FNTB: variants seen among roughly 807,000 people sequenced by gnomAD.
FNTB encodes the protein protein farnesyltransferase subunit beta.
A neutral mutation model predicts 59.4 loss-of-function variants in FNTB; 27 were observed. That is an observed-to-expected ratio of 0.45 (90% confidence interval 0.34 to 0.63). FNTB has a LOEUF of 0.63. Ranked by LOEUF, FNTB falls within the 20% of genes least tolerant of loss-of-function variation. FNTB has a pLI of 0.02. For synonymous variants in FNTB, 230 were observed against 220.7 expected, an observed-to-expected ratio of 1.04 and a Z score of -0.37; for missense variants, 449 against 559.6, an observed-to-expected ratio of 0.80 and a Z score of 1.99.
At chr14:65,045,018 G>T (rs1418253518) in intron 9 of FNTB, among the ~76,000 whole-genome samples, 3 of 152,182 alleles carry the variant, frequency 2.0e-5, no homozygotes, top group Non-Finnish European at 4.4e-5. Flanking sequence ...CTAAATGGGA[G>T]TTTGTTCCAC....
At position 65,004,238 on chromosome 14, in the gene FNTB, A is replaced by C. The variant is rs535858782; in HGVS notation, c.145-11A>C. 5.8e-5 allele frequency: 93 copies of C among 1,613,394 alleles called. 1 individual carries two copies. In the South Asian group the frequency reaches 9.5e-4, roughly 16 times the overall value. On this transcript the variant is annotated splice_polypyrimidine_tract_variant and intron_variant, in intron 1 of 11. Coordinates refer to ENST00000246166, the MANE Select transcript of FNTB (RefSeq NM_002028.4). ...TTGTTTTCTCTCTCCTATCTCCTGC[A>C]TCCTTACCAGGCAAAAGTAGAAGAA...
chr14:65,049,202 G>A (rs1344236264), intron 9 of FNTB, among the ~76,000 whole-genome samples: 2 of 151,228 alleles, frequency 1.3e-5, no homozygotes, highest in Non-Finnish European at 2.9e-5. Flanking sequence ...TTGTTTTGTG[G>A]AGCAATAAGA....
intron 4 of FNTB, among the ~76,000 whole-genome samples, chr14:65,026,192 G>T (rs2061977510): frequency 6.6e-6 from 1 of 152,188 alleles, no homozygotes; most frequent in African/African-American, 2.4e-5. Context: ...TCTCCTGGCG[G>T]GAAGGCTGTG....
In FNTB at chr14:65,038,103, TTGTC is replaced by T. The variant is rs558946445; in HGVS notation, c.693-2684_693-2681del. Among the ~76,000 whole-genome samples the T allele has an allele frequency of 2.0e-5, 3 of 152,248 alleles. No individual in the cohort carries two copies. The South Asian group carries it at 6.2e-4, about 32-fold the overall frequency. ...TATGACATCCCATTAGTACATTTGA[TTGTC>T]TGACTTTTAAGAATACTTTGAGGCT... On this transcript the variant is annotated intron_variant, in intron 7 of 11. Transcript: ENST00000246166.
chr14:65,014,561 C>CT lies in FNTB; in HGVS notation c.283-1063dup, dbSNP rs1247804420. 6.6e-6 allele frequency among the ~76,000 whole-genome samples: 1 copy of CT among 152,206 alleles called. No homozygotes were observed. Among genetic ancestry groups the CT allele is most frequent in the African/African-American group, 2.4e-5 (1 of 41,456 alleles). On this transcript the variant is annotated intron_variant, in intron 3 of 11. Coordinates refer to ENST00000246166, the MANE Select transcript of FNTB (RefSeq NM_002028.4). The surrounding 1 kb of genome is among the most constrained non-coding windows in gnomAD (Gnocchi z 5.1). Reference sequence around the variant, plus strand: ...AGGCATGGTGGCTAATGCCTGTAATCTCAGCACTTTGGGAGGCTCAGGCAG... The same window carrying CT: ...AGGCATGGTGGCTAATGCCTGTAATCTTCAGCACTTTGGGAGGCTCAGGCAG...
At position 65,054,519 on chromosome 14, in the gene FNTB, T is replaced by G; in HGVS notation, c.1068-56T>G. 6.5e-7 allele frequency: 1 copy of G among 1,541,884 alleles called. No individual in the cohort carries two copies. Among genetic ancestry groups the G allele is most frequent in the Non-Finnish European group, 8.8e-7 (1 of 1,131,786 alleles). Reference sequence around the variant, plus strand: ...TGGTCTCTGAATTGGTGTGGCTACATTTGTAGATGTGTGCGGAGCAGAGGA... The same window carrying G: ...TGGTCTCTGAATTGGTGTGGCTACAGTTGTAGATGTGTGCGGAGCAGAGGA... On this transcript the variant is annotated intron_variant, in intron 10 of 11. Transcript: ENST00000246166. This position sits in a 1 kb window ranked among gnomAD's most constrained non-coding sequence, Gnocchi z 4.4.
chr14:65,011,465 G>C lies in FNTB; in HGVS notation c.210-852G>C, dbSNP rs921653725. On this transcript the variant is annotated intron_variant, in intron 2 of 11. Transcript: ENST00000246166. The surrounding 1 kb of genome is among the most constrained non-coding windows in gnomAD (Gnocchi z 4.0). ...AAAAAAAAAAAAAGACTGCATGAAG[G>C]CTCTTACTCTGAGCCAAGTACAGTG... 6.6e-6 allele frequency among the ~76,000 whole-genome samples: 1 copy of C among 151,152 alleles called. No homozygotes were observed.
chr14:65,035,554 G>T (rs1367993487), intron 7 of FNTB, among the ~76,000 whole-genome samples: 3 of 151,838 alleles, frequency 2.0e-5, no homozygotes, highest in Non-Finnish European at 2.9e-5. Flanking sequence ...TTTTGAGACC[G>T]AGTCTTGCTC....
At chr14:65,040,951 G>T (rs955568247) in intron 8 of FNTB, 32 bp downstream of exon 8, 11 of 1,607,976 alleles carry the variant, frequency 6.8e-6, no homozygotes, top group Non-Finnish European at 8.5e-6. Flanking sequence ...CCCCTCTCAG[G>T]CCCCAGGTCA....
chr14:65,057,277 T>C (rs965326649), intron 11 of FNTB, among the ~76,000 whole-genome samples: 2 of 152,018 alleles, frequency 1.3e-5, no homozygotes, highest in Non-Finnish European at 2.9e-5. Context: ...AAATAGAAGA[T>C]TTTAGGCCAG....
In FNTB at chr14:65,015,640, C is replaced by T. The variant is rs769584940; in HGVS notation, c.298C>T (p.Arg100Cys). The change falls in exon 4 of 12, where the codon CGC becomes TGC. Residue 100 changes from arginine to cysteine, a missense_variant. Physicochemically the swap from Arg to Cys is radical, Grantham distance 180 (BLOSUM62 -3). Around this residue, in one of 2 missense-constraint regions of FNTB, gnomAD observed 337 missense variants for 479.1 expected, o/e 0.70. Transcript: ENST00000246166. ...TCTCTCCCAGTGTCTGGATGCCAGC[C>T]GCCCATGGCTCTGCTATTGGATCCT... is the stretch of plus-strand genomic sequence containing the variant. ...TDAYECLDAS[R>C]PWLCYWILHS... 5 of 1,614,056 alleles carry T rather than the reference C, an allele frequency of 3.1e-6. No individual in the cohort carries two copies. Among genetic ancestry groups the T allele is most frequent in the East Asian group, 2.2e-5 (1 of 44,860 alleles).
chr14:65,044,007 C>T lies in FNTB; in HGVS notation c.823-304C>T, dbSNP rs113402123. On this transcript the variant is annotated intron_variant, in intron 8 of 11. Transcript: ENST00000246166. This position sits in a 1 kb window ranked among gnomAD's most constrained non-coding sequence, Gnocchi z 5.5. The stretch of plus-strand genomic sequence containing the variant: ...AGACTTTGAAGGTCTCCTTACAAAC[C>T]AGCTTGGCCTCTTTATCTTCTCAGC... Among the ~76,000 whole-genome samples the T allele has an allele frequency of 2.0e-5, 3 of 152,252 alleles. No individual in the cohort carries two copies. Among genetic ancestry groups the T allele is most frequent in the African/African-American group, 7.2e-5 (3 of 41,552 alleles).
At position 65,061,144 on chromosome 14, in the gene FNTB, C is replaced by G. The variant is rs767137731; in HGVS notation, c.1183-37C>G. ...GATGTGTTATGTTTTCAAGGACCAC[C>G]GGGGTGATTAACTGGCACCTTTTCT... On this transcript the variant is annotated intron_variant, in intron 11 of 11. Coordinates refer to ENST00000246166, the MANE Select transcript of FNTB (RefSeq NM_002028.4). The G allele has an allele frequency of 2.4e-5, 39 of 1,611,890 alleles. 1 individual carries two copies. In the South Asian group the frequency reaches 4.1e-4, roughly 17 times the overall value.
chr14:65,053,308 C>T lies in FNTB; in HGVS notation c.1026C>T (p.Cys342=). 1 of 1,454,264 alleles carries T rather than the reference C, an allele frequency of 6.9e-7. No individual in the cohort carries two copies. The highest frequency in any genetic ancestry group is 9.1e-7 in the Non-Finnish European group (1 of 1,096,430). The allele number at this position is 1,454,264 out of a possible 1,614,324, so 90.1% of individuals were successfully genotyped here. Residue 342 remains cysteine (C), a synonymous_variant, in exon 10 of 12, where the codon TGC becomes TGT. Coordinates refer to ENST00000246166, the MANE Select transcript of FNTB (RefSeq NM_002028.4). ...QQALQEYILM[C]CQCPAGGLLD... ...CCCTGCAGGAGTACATCCTGATGTG[C>T]TGCCAGTGCCCTGCGGGGGGGCTTC...
intron 7 of FNTB, among the ~76,000 whole-genome samples, chr14:65,036,677 T>C (rs960033581): frequency 2.6e-5 from 4 of 151,664 alleles, no homozygotes; most frequent in African/African-American, 7.2e-5. Context: ...ATCCTGTCCT[T>C]CTTTAGCGGC....
intron 4 of FNTB, among the ~76,000 whole-genome samples, chr14:65,017,205 G>T (rs1230354468): frequency 1.3e-5 from 2 of 152,150 alleles, no homozygotes; most frequent in African/African-American, 4.8e-5. Flanking sequence ...TAACAGGTGT[G>T]AGCCACCACA....
At chr14:65,045,278 G>C (rs955575112) in intron 9 of FNTB, among the ~76,000 whole-genome samples, 1 of 152,166 alleles carries the variant, frequency 6.6e-6, no homozygotes, top group African/African-American at 2.4e-5. Flanking sequence ...TTTGGAATGA[G>C]ATCCCTGGGT....
rs1188612224 is a variant in FNTB at position 65,009,551 on chromosome 14, C to T, written c.210-2766C>T. Among the ~76,000 whole-genome samples, 3 of 152,122 alleles carry T rather than the reference C, an allele frequency of 2.0e-5. No individual in the cohort carries two copies. The East Asian group carries it at 5.8e-4, about 29-fold the overall frequency. ...AGCTTCGTACCCATCATTTCTCGCT[C>T]AAAGAATGCAGCATCCTTCCTTATT... is the stretch of plus-strand genomic sequence containing the variant. On this transcript the variant is annotated intron_variant, in intron 2 of 11. Transcript: ENST00000246166. This position sits in a 1 kb window ranked among gnomAD's most constrained non-coding sequence, Gnocchi z 4.2.
chr14:65,054,785 T>C lies in FNTB; in HGVS notation c.1182+96T>C. The C allele has an allele frequency of 7.4e-7, 1 of 1,346,224 alleles. No homozygotes were observed. The highest frequency in any genetic ancestry group is 1.0e-6 in the Non-Finnish European group (1 of 975,970). The allele number at this position is 1,346,224 out of a possible 1,614,324, so 83.4% of individuals were successfully genotyped here. A position where few individuals can be genotyped will look rare whatever the true frequency, so the allele number is the denominator to read the frequency against. On this transcript the variant is annotated intron_variant, in intron 11 of 11. Transcript: ENST00000246166. This position sits in a 1 kb window ranked among gnomAD's most constrained non-coding sequence, Gnocchi z 4.4. ...CAGAACTGGCTCTGCATTTCCTGTG[T>C]GGACAGGCGGAAGCTTGTGGTCCCT...
Sources: gnomAD v4.1 joint callset for allele counts (sites outside exome capture counted in the v4.1 genomes callset) on GRCh38, gnomAD v4.1.1 for gene constraint, gnomAD v4.1.1 regional missense constraint, Gnocchi (gnomAD v3.1) non-coding constraint, MANE v1.5 for transcripts, NCBI Gene and HGNC (gene_info 2026-07-23, HGNC 2026-07-21) for gene names.